Variants in FAM81A observed in about 807,000 individuals in gnomAD.
FAM81A encodes protein FAM81A.
FAM81A carries 19 observed loss-of-function variants against 46.7 expected under a neutral mutation model. That is an observed-to-expected ratio of 0.41 (90% CI 0.28 to 0.60). FAM81A has a LOEUF of 0.60. Ranked by LOEUF, FAM81A falls within the 20% of genes least tolerant of loss-of-function variation. The pLI, the probability that FAM81A is intolerant of heterozygous loss-of-function variation, is 0.34. For missense variants in FAM81A, 377 were observed against 453.5 expected (o/e 0.83, Z 1.53); for synonymous variants, 183 against 152.9 (o/e 1.20, Z -1.45).
chr15:59,521,674 AT>A lies in FAM81A; in HGVS notation c.*301del, dbSNP rs2141858743. 1 of 232,312 alleles carries A rather than the reference AT, an allele frequency of 4.3e-6. No homozygotes were observed. The highest frequency in any genetic ancestry group is 1.4e-4 in the South Asian group (1 of 7,254). The allele number at this position is 232,312 out of a possible 1,614,324, so 14.4% of individuals were successfully genotyped here. A position where few individuals can be genotyped will look rare whatever the true frequency, so the allele number is the denominator to read the frequency against. On this transcript the variant is annotated 3_prime_UTR_variant, in exon 9 of 9. Coordinates refer to ENST00000288228, the MANE Select transcript of FAM81A (RefSeq NM_152450.3). ...TCATTTTACGAATGGAAAGACGACA[AT>A]TTTTCTTCAATGCTTGATGCACTAA...
intron 3 of FAM81A, among the ~76,000 whole-genome samples, chr15:59,478,413 A>T (rs965912540): frequency 7.9e-5 from 12 of 152,212 alleles, no homozygotes; most frequent in Non-Finnish European, 1.8e-4. Flanking sequence ...TGAGTGCAGC[A>T]TTGGGCTTTA....
At chr15:59,512,761 C>T (rs1394016394) in intron 6 of FAM81A, among the ~76,000 whole-genome samples, 1 of 152,192 alleles carries the variant, frequency 6.6e-6, no homozygotes, top group Non-Finnish European at 1.5e-5. Flanking sequence ...GCAGTCGCAA[C>T]TCAGTGTGGT....
At chr15:59,503,156 C>G (rs573546969) in intron 4 of FAM81A, among the ~76,000 whole-genome samples, 1 of 148,718 alleles carries the variant, frequency 6.7e-6, no homozygotes, top group African/African-American at 2.5e-5. Context: ...GCAGGACAAT[C>G]GCTTGAGCCC....
chr15:59,442,501 C>T (rs1207235700), intron 1 of FAM81A, among the ~76,000 whole-genome samples: 1 of 151,460 alleles, frequency 6.6e-6, no homozygotes, highest in Admixed American at 6.6e-5. Flanking sequence ...CCTGTAATCC[C>T]AGCTACTCAG....
chr15:59,474,616 A>AG (rs2081742437), intron 3 of FAM81A, among the ~76,000 whole-genome samples: 1 of 152,174 alleles, frequency 6.6e-6, no homozygotes, highest in African/African-American at 2.4e-5. Flanking sequence ...TAATTTTTGG[A>AG]GGGGGTGCCA....
Position 59,514,397 on chromosome 15 carries a change from G to C in FAM81A, c.759G>C (p.Gln253His). Residue 253 changes from glutamine (Q) to histidine (H), a missense_variant, in exon 7 of 9, where the codon CAG (glutamine) becomes CAC (histidine). By Grantham distance (24) the Gln-to-His change is conservative (BLOSUM62 0). Transcript: ENST00000288228. The stretch of plus-strand genomic sequence containing the variant: ...AAGAGCTTTTACAGAAAATTGATCA[G>C]CTTTCCTTGATTGTTAAGGAAAACA... ...IEKELLQKID[Q>H]LSLIVKENSG... 6.2e-7 allele frequency: 1 copy of C among 1,613,230 alleles called. No individual in the cohort carries two copies. Among genetic ancestry groups the C allele is most frequent in the Non-Finnish European group, 8.5e-7 (1 of 1,179,662 alleles).
chr15:59,408,314 GTTGTT>G (rs1421226894), intron 2 of FAM81A, among the ~76,000 whole-genome samples: 2 of 152,148 alleles, frequency 1.3e-5, no homozygotes, highest in Non-Finnish European at 2.9e-5. Flanking sequence ...TGTTGTTGTT[GTTGTT>G]TTACTTCTTA....
At chr15:59,398,984 A>G (rs1596455564) in intron 1 of FAM81A, among the ~76,000 whole-genome samples, 1 of 152,120 alleles carries the variant, frequency 6.6e-6, no homozygotes, top group East Asian at 1.9e-4. Flanking sequence ...CCTGGCTAAC[A>G]TGGTGAAACC....
chr15:59,440,179 C>T (rs960175622), intron 1 of FAM81A: 1 of 152,164 alleles, frequency 6.6e-6, no homozygotes, highest in Non-Finnish European at 1.5e-5. Flanking sequence ...TCCAGTGCTT[C>T]CCAAACCTGG....
intron 3 of FAM81A, among the ~76,000 whole-genome samples, chr15:59,475,623 A>G (rs755849376): frequency 6.6e-6 from 1 of 152,224 alleles, no homozygotes; most frequent in Non-Finnish European, 1.5e-5. Flanking sequence ...TTTGCAAGTG[A>G]TGATTTCCGT....
At chr15:59,504,286 A>T (rs1478788254) in intron 4 of FAM81A, among the ~76,000 whole-genome samples, 2 of 152,250 alleles carry the variant, frequency 1.3e-5, no homozygotes, top group African/African-American at 4.8e-5. Flanking sequence ...ATTTGTGAGG[A>T]TTAATGAAAT....
chr15:59,470,416 T>C (rs1398052622), intron 3 of FAM81A, among the ~76,000 whole-genome samples: 1 of 152,228 alleles, frequency 6.6e-6, no homozygotes, highest in African/African-American at 2.4e-5. Context: ...TTACTCTTTT[T>C]TCTCTAACCT....
At chr15:59,458,388 CAT>C (rs139650728) in intron 1 of FAM81A, among the ~76,000 whole-genome samples, 160 bp from the exon 2 acceptor site, 1,938 of 152,244 alleles carry the variant, frequency 0.013, 34 homozygotes, top group African/African-American at 0.045. Flanking sequence ...TATTTGGAAA[CAT>C]ATGCTGTTTA....
chr15:59,482,992 A>C (rs754553445), intron 3 of FAM81A, among the ~76,000 whole-genome samples: 1 of 152,174 alleles, frequency 6.6e-6, no homozygotes, highest in African/African-American at 2.4e-5. Context: ...AAAAAGCTGG[A>C]AGCTACAGAA....
intron 3 of FAM81A, among the ~76,000 whole-genome samples, chr15:59,476,542 T>TG (rs1454339838): frequency 2.6e-5 from 4 of 152,060 alleles, no homozygotes; most frequent in African/African-American, 9.7e-5. Flanking sequence ...ACTTTGGGTG[T>TG]GGGATCCACA....
At chr15:59,484,236 T>C (rs2141723916) in intron 3 of FAM81A, among the ~76,000 whole-genome samples, 1 of 152,344 alleles carries the variant, frequency 6.6e-6, no homozygotes, top group East Asian at 1.9e-4. Flanking sequence ...GAGATCCAAG[T>C]GTCACATAAA....
chr15:59,501,652 A>G (rs994547830), intron 4 of FAM81A, among the ~76,000 whole-genome samples: 19 of 152,184 alleles, frequency 1.2e-4, no homozygotes, highest in Non-Finnish European at 2.1e-4. Context: ...GACTCTCTAG[A>G]TGGACTTCTG....
At chr15:59,468,138 G>C (rs2081638488) in intron 3 of FAM81A, among the ~76,000 whole-genome samples, 1 of 152,046 alleles carries the variant, frequency 6.6e-6, no homozygotes, top group Non-Finnish European at 1.5e-5. Context: ...TTTTCACATT[G>C]AGTTCATCAG....
intron 1 of FAM81A, among the ~76,000 whole-genome samples, chr15:59,451,017 G>T (rs1225546211): frequency 6.6e-6 from 1 of 152,204 alleles, no homozygotes; most frequent in Non-Finnish European, 1.5e-5. Flanking sequence ...AAGAGACAAG[G>T]ATGGTGTTGT....
Sources: gnomAD v4.1 joint callset for allele counts (sites outside exome capture counted in the v4.1 genomes callset) on GRCh38, gnomAD v4.1.1 for gene constraint, MANE v1.5 for transcripts, NCBI Gene and HGNC (gene_info 2026-07-23, HGNC 2026-07-21) for gene names.